The following ATP11A variants were observed in gnomAD, a reference collection of about 807,000 sequenced individuals.
ATP11A encodes the protein ATPase phospholipid transporting 11A.
A neutral mutation model predicts 154.4 loss-of-function variants in ATP11A; 81 were observed. The ratio of observed to expected loss-of-function variants is 0.52; its 90% CI spans 0.44 to 0.63. The LOEUF (loss-of-function observed/expected upper bound fraction) is 0.63. ATP11A is among the 30% of genes least tolerant of loss of function. The pLI is 0.00. For synonymous variants in ATP11A, 623 were observed against 585.9 expected (o/e 1.06, Z -0.91); for missense variants, 1,316 against 1,474.3 (o/e 0.89, Z 1.76).
intron 28 of ATP11A, among the ~76,000 whole-genome samples, chr13:112,877,398 C>G (rs926879226): frequency 2.6e-5 from 4 of 152,226 alleles, no homozygotes; most frequent in African/African-American, 9.6e-5. Flanking sequence ...TGTGCAGTTC[C>G]ACAGCGGGCA....
At chr13:112,836,346 G>A in intron 16 of ATP11A, 95 bp downstream of exon 16, 1 of 672,914 alleles carries the variant, frequency 1.5e-6, no homozygotes, top group Non-Finnish European at 2.5e-6. Context: ...AGGATTTAGG[G>A]TTTAAGAATG....
At chr13:112,805,417 G>T (rs914434014) in intron 3 of ATP11A, among the ~76,000 whole-genome samples, 1 of 152,134 alleles carries the variant, frequency 6.6e-6, no homozygotes, top group African/African-American at 2.4e-5. Flanking sequence ...TCCAGGCCGG[G>T]CACAGTGGCT....
Position 112,859,301 on chromosome 13 carries a change from C to A in ATP11A, c.2668-92C>A. 1.0e-6 allele frequency: 1 copy of A among 975,944 alleles called. No individual in the cohort carries two copies. Among genetic ancestry groups the A allele is most frequent in the South Asian group, 1.3e-5 (1 of 77,816 alleles). The allele number at this position is 975,944 out of a possible 1,614,324, so 60.5% of individuals were successfully genotyped here. On this transcript the variant is annotated intron_variant, in intron 22 of 29. Transcript: ENST00000375645. The surrounding 1 kb of genome is among the most constrained non-coding windows in gnomAD (Gnocchi z 4.3). ...TGCCGCACGCTGGGTGCACGTGGAT[C>A]CCTCCTCCCATGTGGGGTGGGCCAC...
Position 112,785,242 on chromosome 13 carries a change from G to A in ATP11A, c.147G>A (p.Arg49=), listed in dbSNP as rs927464116. The change falls in exon 2 of 30, where the codon AGG becomes AGA. Residue 49 remains arginine, a synonymous_variant. Coordinates refer to ENST00000375645, the MANE Select transcript of ATP11A (RefSeq NM_015205.3). This position sits in a 1 kb window ranked among gnomAD's most constrained non-coding sequence, Gnocchi z 4.8. ...AYIPQRYPDN[R]IVSSKYTFWN... ...TCCCACAGAGATACCCAGACAACAG[G>A]ATCGTCTCGTCCAAGGTAACTTGGC... is the stretch of plus-strand genomic sequence containing the variant. The A allele has an allele frequency of 9.8e-6, 15 of 1,537,628 alleles. No individual in the cohort carries two copies. Among genetic ancestry groups the A allele is most frequent in the African/African-American group, 2.8e-5 (2 of 71,072 alleles).
Position 112,884,266 on chromosome 13 carries a change from C to G in ATP11A, c.*2400C>G, listed in dbSNP as rs1005230017. ...TCTTTACAATTTGTTGCAATTTCAT[C>G]TGCTTTCTATGTTTCATTGTTAATT... On this transcript the variant is annotated 3_prime_UTR_variant, in exon 30 of 30. Transcript: ENST00000375645. The G allele has an allele frequency of 2.0e-5, 3 of 152,608 alleles. No individual in the cohort carries two copies. The highest frequency in any genetic ancestry group is 4.4e-5 in the Non-Finnish European group (3 of 68,038). 9.5% of individuals were successfully genotyped at this position (152,608 alleles called of 1,614,324 possible). A position where few individuals can be genotyped will look rare whatever the true frequency, so the allele number is the denominator to read the frequency against.
At chr13:112,824,529 T>TGTACAGCATCTTA (rs2078883426) in intron 10 of ATP11A, 104 bp downstream of exon 10, 6 of 1,031,470 alleles carry the variant, frequency 5.8e-6, no homozygotes, top group Non-Finnish European at 7.5e-6. Context: ...CCTTTGCCAC[T>TGTACAGCATCTTA]GTACAGCATC....
intron 28 of ATP11A, chr13:112,876,205 A>AT (rs2080719933): frequency 3.2e-6 from 1 of 311,842 alleles, no homozygotes; most frequent in Non-Finnish European, 5.8e-6. Context: ...CAAAAGGCAA[A>AT]TTATTTCATG....
rs185905972 is a variant in ATP11A at position 112,843,343 on chromosome 13, A to G, written c.1809+964A>G. Among the ~76,000 whole-genome samples the G allele has an allele frequency of 7.2e-3, 1,090 of 152,114 alleles. 11 individuals carry two copies. The highest frequency in any genetic ancestry group is 0.017 in the Middle Eastern group (5 of 294). Reference sequence around the variant, plus strand: ...CGTTGGGTGATGCGTGGCTGGGTGGACGCGCTCCCTCTGCTCCCCACGTGG... The same window carrying G: ...CGTTGGGTGATGCGTGGCTGGGTGGGCGCGCTCCCTCTGCTCCCCACGTGG... On this transcript the variant is annotated intron_variant, in intron 17 of 29. Transcript: ENST00000375645.
intron 17 of ATP11A, among the ~76,000 whole-genome samples, chr13:112,845,411 A>G (rs1473499020): frequency 9.2e-6 from 1 of 108,662 alleles, no homozygotes; most frequent in Non-Finnish European, 1.7e-5. Flanking sequence ...TATTCAGTCC[A>G]GTTGCCAGGC....
intron 1 of ATP11A, among the ~76,000 whole-genome samples, chr13:112,716,668 C>T (rs1888493208): frequency 6.6e-6 from 1 of 152,150 alleles, no homozygotes; most frequent in Admixed American, 6.5e-5. Flanking sequence ...TTGGGCACGT[C>T]GATGGGGCCG....
rs2078731264 is a variant in ATP11A at position 112,819,324 on chromosome 13, C to A, written c.591C>A (p.Asp197Glu). The change falls in exon 7 of 30, where the codon GAC becomes GAA. Residue 197 changes from aspartate to glutamate, a missense_variant. Asp to Glu is a conservative substitution (Grantham distance 45). Around this residue, in one of 5 missense-constraint regions of ATP11A, gnomAD observed 876 missense variants for 1,006.8 expected, o/e 0.87. Transcript: ENST00000375645. Reference sequence around the variant, plus strand: ...TGTAGACGCATTACGCGGTCCAGGACACCAAAGGCTTCCACACAGAGGAGG... The same window carrying A: ...TGTAGACGCATTACGCGGTCCAGGAAACCAAAGGCTTCCACACAGAGGAGG... ...SSHKTHYAVQ[D>E]TKGFHTEEDI... is the part of the protein sequence containing the mutation. The A allele has an allele frequency of 3.1e-6, 5 of 1,614,210 alleles. No homozygotes were observed. Among genetic ancestry groups the A allele is most frequent in the Non-Finnish European group, 4.2e-6 (5 of 1,180,030 alleles).
intron 1 of ATP11A, among the ~76,000 whole-genome samples, chr13:112,771,896 C>T (rs533908601): frequency 6.6e-5 from 10 of 152,262 alleles, no homozygotes; most frequent in East Asian, 3.9e-4. Context: ...TGAACCAGTC[C>T]GGTGGGGAGT....
intron 1 of ATP11A, among the ~76,000 whole-genome samples, chr13:112,740,148 CTATATATATA>C (rs59104065): frequency 7.3e-6 from 1 of 137,888 alleles, no homozygotes; most frequent in African/African-American, 2.8e-5. Flanking sequence ...CTCTCTCTCT[CTATATATATA>C]TATATATATA....
intron 1 of ATP11A, 136 bp from the exon 2 acceptor site, chr13:112,784,999 C>T: frequency 4.3e-6 from 5 of 1,172,956 alleles, no homozygotes; most frequent in Non-Finnish European, 5.5e-6. Flanking sequence ...CCAGGTCTCC[C>T]TGCAGCCCTG....
chr13:112,710,806 C>T (rs1196518397), intron 1 of ATP11A, among the ~76,000 whole-genome samples: 2 of 152,236 alleles, frequency 1.3e-5, no homozygotes, highest in African/African-American at 2.4e-5. Flanking sequence ...AGACAAGTCA[C>T]AGCTCTGGTT....
intron 1 of ATP11A, among the ~76,000 whole-genome samples, chr13:112,719,171 T>C (rs1006652914): frequency 2.0e-5 from 3 of 151,842 alleles, no homozygotes; most frequent in African/African-American, 7.3e-5. Flanking sequence ...GGTGTGACTT[T>C]GAATCGCGTC....
rs1185755503 is a variant in ATP11A at position 112,697,634 on chromosome 13, C to CT, written c.39+7181dup. Among the ~76,000 whole-genome samples the CT allele has an allele frequency of 6.6e-6, 1 of 151,962 alleles. No homozygotes were observed. Among genetic ancestry groups the CT allele is most frequent in the Admixed American group, 6.6e-5 (1 of 15,266 alleles). On this transcript the variant is annotated intron_variant, in intron 1 of 29. Transcript: ENST00000375645. This position sits in a 1 kb window ranked among gnomAD's most constrained non-coding sequence, Gnocchi z 4.0. The stretch of plus-strand genomic sequence containing the variant: ...TCAGGCTGGAGTGCAGTGGCTTGAT[C>CT]TTGGCTCACTGCATCCTCTGCCTCC...
chr13:112,791,284 C>A (rs571684771), intron 2 of ATP11A, among the ~76,000 whole-genome samples: 1 of 152,222 alleles, frequency 6.6e-6, no homozygotes, highest in Non-Finnish European at 1.5e-5. Flanking sequence ...TGTGGAACCG[C>A]GGCGCCCCCT....
chr13:112,869,490 A>T (rs1566596661), intron 25 of ATP11A, among the ~76,000 whole-genome samples: 3 of 152,202 alleles, frequency 2.0e-5, no homozygotes, highest in Admixed American at 2.0e-4. Context: ...AGTTGACTGC[A>T]GTTATCACCT....
Sources: gnomAD v4.1 joint callset for allele counts (sites outside exome capture counted in the v4.1 genomes callset) on GRCh38, gnomAD v4.1.1 for gene constraint, gnomAD v4.1.1 regional missense constraint, Gnocchi (gnomAD v3.1) non-coding constraint, MANE v1.5 for transcripts, NCBI Gene and HGNC (gene_info 2026-07-23, HGNC 2026-07-21) for gene names.